The following MACF1 variants were observed in gnomAD, a reference collection of about 807,000 sequenced individuals.
MACF1 encodes the protein microtubule actin crosslinking factor 1.
Under a neutral mutation model 854.8 loss-of-function variants are expected in MACF1, and 193 were observed. That is an observed-to-expected ratio of 0.23 (90% CI 0.20 to 0.25). The LOEUF (loss-of-function observed/expected upper bound fraction) is 0.25, where lower values mean the gene tolerates loss of function less well. MACF1 is among the 10% of genes least tolerant of loss of function. The probability of loss-of-function intolerance (pLI) is 1.00; values close to 1 mark genes in which losing one functional copy is unlikely to be tolerated. For missense variants in MACF1, 7,722 were observed against 8,929.1 expected (o/e 0.86, Z 5.45); for synonymous variants, 3,185 against 3,226.7 (o/e 0.99, Z 0.44).
chr1:39,309,718 C>T (rs1351228376), intron 24 of MACF1, 22 bp downstream of exon 24: 2 of 1,601,134 alleles, frequency 1.2e-6, no homozygotes, highest in African/African-American at 2.7e-5. Flanking sequence ...AACCTTACCC[C>T]AGGCTTACAT....
chr1:39,157,407 C>A (rs1643714099), intron 2 of MACF1, among the ~76,000 whole-genome samples: 1 of 152,184 alleles, frequency 6.6e-6, no homozygotes, highest in Non-Finnish European at 1.5e-5. Context: ...GGGAGTTTTG[C>A]AGAGCAGTGT....
chr1:39,431,405 A>G (rs946472619), intron 66 of MACF1, among the ~76,000 whole-genome samples: 1 of 152,184 alleles, frequency 6.6e-6, no homozygotes, highest in Non-Finnish European at 1.5e-5. Context: ...TCTGGAAAAA[A>G]ATCATTTGTT....
intron 42 of MACF1, among the ~76,000 whole-genome samples, 172 bp from the exon 43 acceptor site, chr1:39,350,613 G>T (rs570618665): frequency 2.7e-4 from 41 of 152,266 alleles, no homozygotes; most frequent in African/African-American, 9.9e-4. Context: ...TATTTGCTTA[G>T]AAAACAAAAT....
At chr1:39,125,169 A>T (rs186763878) in intron 2 of MACF1, among the ~76,000 whole-genome samples, 2 of 152,318 alleles carry the variant, frequency 1.3e-5, no homozygotes, top group African/African-American at 4.8e-5. Flanking sequence ...ATTAGATGAG[A>T]TTTGTAAAGT....
At chr1:39,388,971 T>G (rs541715171) in intron 58 of MACF1, among the ~76,000 whole-genome samples, 29 of 141,810 alleles carry the variant, frequency 2.0e-4, no homozygotes, top group African/African-American at 7.6e-4. Flanking sequence ...CTCGACCTCA[T>G]AGGCTCAAGC....
intron 100 of MACF1, 63 bp from the exon 101 acceptor site, chr1:39,485,475 C>G (rs1424349680): frequency 8.7e-6 from 13 of 1,485,776 alleles, no homozygotes; most frequent in Non-Finnish European, 1.2e-5. Context: ...CTAGCTTCTG[C>G]TCACTTGTTC....
Position 39,317,383 on chromosome 1 carries a change from G to A in MACF1, c.3758G>A (p.Arg1253Gln), listed in dbSNP as rs915538139. 23 of 1,612,936 alleles carry A rather than the reference G, an allele frequency of 1.4e-5. No homozygotes were observed. Among genetic ancestry groups the A allele is most frequent in the Non-Finnish European group, 1.8e-5 (21 of 1,179,888 alleles). Reference protein sequence around the residue: ...KGSQLQERWHRVIAQLEIRQS... With the variant: ...KGSQLQERWHQVIAQLEIRQS... Reference sequence around the variant, plus strand: ...TCCCAGCTGCAGGAGCGTTGGCACCGAGTCATTGCCCAGCTCGAGATTCGG... The same window carrying A: ...TCCCAGCTGCAGGAGCGTTGGCACCAAGTCATTGCCCAGCTCGAGATTCGG... Residue 1253 changes from arginine to glutamine, a missense_variant, in exon 29 of 101, where the codon CGA becomes CAA. Physicochemically the swap from Arg to Gln is conservative, Grantham distance 43 (BLOSUM62 1). Coordinates refer to ENST00000564288, the MANE Select transcript of MACF1 (RefSeq NM_001394062.1).
chr1:39,485,397 G>A (rs986670624), intron 100 of MACF1, 141 bp from the exon 101 acceptor site: 6 of 992,758 alleles, frequency 6.0e-6, no homozygotes, highest in South Asian at 1.8e-5. Context: ...AGCAACTTCT[G>A]TATGGATGAG....
In MACF1 at chr1:39,447,464, A is replaced by C. The variant is rs200264259; in HGVS notation, c.19638A>C (p.Thr6546=). ...SKLEEALNLA[T]EFQNSLQEFI... ...TGGAAGAGGCCCTCAACTTGGCAACAGAATTCCAGAATTCCCTACAAGAAT... is the reference window on the plus strand; with the variant it reads ...TGGAAGAGGCCCTCAACTTGGCAACCGAATTCCAGAATTCCCTACAAGAAT... Residue 6546 remains threonine (T), a synonymous_variant, in exon 81 of 101, where the codon ACA becomes ACC. Coordinates refer to ENST00000564288, the MANE Select transcript of MACF1 (RefSeq NM_001394062.1). The C allele has an allele frequency of 5.1e-5, 83 of 1,614,052 alleles. No individual in the cohort carries two copies. Among genetic ancestry groups the C allele is most frequent in the Non-Finnish European group, 7.6e-6 (9 of 1,180,020 alleles).
chr1:39,440,388 G>C (rs943763543), intron 72 of MACF1, among the ~76,000 whole-genome samples: 2 of 152,054 alleles, frequency 1.3e-5, no homozygotes, highest in Admixed American at 1.3e-4. Context: ...TTACAGGCGT[G>C]AGACACTGCA....
intron 14 of MACF1, among the ~76,000 whole-genome samples, chr1:39,286,727 G>A (rs1311482057): frequency 1.3e-5 from 2 of 151,978 alleles, no homozygotes; most frequent in South Asian, 2.1e-4. Flanking sequence ...AGCCTCCCAA[G>A]GCTAGTTTTA....
chr1:39,481,529 C>G (rs542399536), intron 99 of MACF1, among the ~76,000 whole-genome samples: 2 of 152,192 alleles, frequency 1.3e-5, no homozygotes, highest in African/African-American at 4.8e-5. Flanking sequence ...GGTGCTGTCT[C>G]CTTCAGCCAA....
chr1:39,467,825 C>T (rs772748074), intron 95 of MACF1: 13 of 152,140 alleles, frequency 8.5e-5, no homozygotes, highest in Admixed American at 7.2e-4. Context: ...AGATTTTCTT[C>T]TAAGCTTGTA....
intron 84 of MACF1, among the ~76,000 whole-genome samples, chr1:39,449,687 C>T (rs1272398396): frequency 8.9e-5 from 13 of 145,720 alleles, no homozygotes; most frequent in African/African-American, 2.3e-4. Context: ...CGTGAGCCAC[C>T]GCGCCTGGCA....
rs1401317124 is a variant in MACF1 at position 39,084,282 on chromosome 1, A to G, written c.64A>G (p.Ser22Gly). The G allele has an allele frequency of 1.9e-6, 3 of 1,613,840 alleles. No homozygotes were observed. Among genetic ancestry groups the G allele is most frequent in the African/African-American group, 1.3e-5 (1 of 74,920 alleles). Reference sequence around the variant, plus strand: ...ATGTCGGAGTGAGCGGTCTTGTCGGAGTGAGCGATCTTACAGGAGCGAGCG... The same window carrying G: ...ATGTCGGAGTGAGCGGTCTTGTCGGGGTGAGCGATCTTACAGGAGCGAGCG... The change falls in exon 2 of 94, where the codon AGT (serine) becomes GGT (glycine). Residue 22 changes from serine to glycine, a missense_variant. By Grantham distance (56) the Ser-to-Gly change is moderately conservative (BLOSUM62 0). Coordinates refer to the MACF1 transcript ENST00000361689. This position sits in a 1 kb window ranked among gnomAD's most constrained non-coding sequence, Gnocchi z 5.2.
At chr1:39,295,437 C>T (rs568528524) in intron 19 of MACF1, among the ~76,000 whole-genome samples, 1 of 152,342 alleles carries the variant, frequency 6.6e-6, no homozygotes, top group Admixed American at 6.5e-5. Flanking sequence ...ACTATCCAGA[C>T]AGATCCTGAC....
At chr1:39,126,782 G>A (rs1642869569) in intron 2 of MACF1, among the ~76,000 whole-genome samples, 1 of 150,898 alleles carries the variant, frequency 6.6e-6, no homozygotes, top group South Asian at 2.1e-4. Flanking sequence ...GCAAGACTCT[G>A]TCTCCAAAAA....
chr1:39,353,220 G>A lies in MACF1; in HGVS notation c.11413G>A (p.Glu3805Lys). 6.2e-7 allele frequency: 1 copy of A among 1,604,154 alleles called. No individual in the cohort carries two copies. The change falls in exon 44 of 101, where the codon GAG (glutamate) becomes AAG (lysine). Residue 3805 changes from glutamate to lysine, a missense_variant. Coordinates refer to ENST00000564288, the MANE Select transcript of MACF1 (RefSeq NM_001394062.1). ...QAPEKLDKQC[E>K]MMKARHQELL... ...CCCAGAGAAACTGGACAAGCAATGT[G>A]AGATGATGAAGGTAAGGGTGTTAGC... is the stretch of plus-strand genomic sequence containing the variant.
At chr1:39,304,652 C>T (rs1213591315) in intron 23 of MACF1, 1 of 486,508 alleles carries the variant, frequency 2.1e-6, no homozygotes. Context: ...CAAGCTCCGC[C>T]TCCTGTGTTC....
Sources: gnomAD v4.1 joint callset for allele counts (sites outside exome capture counted in the v4.1 genomes callset) on GRCh38, gnomAD v4.1.1 for gene constraint, Gnocchi (gnomAD v3.1) non-coding constraint, MANE v1.5 for transcripts, NCBI Gene and HGNC (gene_info 2026-07-23, HGNC 2026-07-21) for gene names.